Variants in ARFIP1 observed in about 807,000 individuals in gnomAD.
The protein encoded by ARFIP1 is ARF interacting protein 1, also known as arfaptin-1.
A neutral mutation model predicts 42.5 loss-of-function variants in ARFIP1; 24 were observed. The ratio of observed to expected loss-of-function variants is 0.57; its 90% CI spans 0.41 to 0.80. ARFIP1 has a LOEUF of 0.80. Ranked by LOEUF, ARFIP1 falls within the 30% of genes least tolerant of loss-of-function variation. The pLI, the probability that ARFIP1 is intolerant of heterozygous loss-of-function variation, is 0.00. For synonymous variants in ARFIP1, 141 were observed against 153.7 expected (o/e 0.92, Z 0.61); for missense variants, 354 against 434.0 (o/e 0.82, Z 1.64).
At chr4:152,856,064 C>A (rs772276527) in intron 2 of ARFIP1, among the ~76,000 whole-genome samples, 1 of 152,156 alleles carries the variant, frequency 6.6e-6, no homozygotes, top group Non-Finnish European at 1.5e-5. Flanking sequence ...CTTGAAGCCC[C>A]TCTCTTAAGT....
At chr4:152,787,695 A>G (rs1193821507) in intron 1 of ARFIP1, among the ~76,000 whole-genome samples, 2 of 152,240 alleles carry the variant, frequency 1.3e-5, no homozygotes, top group Admixed American at 1.3e-4. Flanking sequence ...AAAAATTATT[A>G]AAAGTATTAT....
intron 3 of ARFIP1, among the ~76,000 whole-genome samples, chr4:152,864,774 G>A (rs1038057552): frequency 6.6e-6 from 1 of 152,122 alleles, no homozygotes; most frequent in Non-Finnish European, 1.5e-5. Context: ...TCAAGTTGCC[G>A]CATGCCAGCC....
chr4:152,829,795 A>G, intron 2 of ARFIP1, 69 bp downstream of exon 2: 1 of 1,221,766 alleles, frequency 8.2e-7, no homozygotes, highest in Non-Finnish European at 1.1e-6. Context: ...GATGAAAGTA[A>G]TAGACAAAAT....
Position 152,795,162 on chromosome 4 carries a change from TTTTG to T in ARFIP1, c.-10+14964_-10+14967del, listed in dbSNP as rs142814353. 4.5e-3 allele frequency among the ~76,000 whole-genome samples: 676 copies of T among 151,866 alleles called. 5 individuals are homozygous for T. The highest frequency in any genetic ancestry group is 0.011 in the African/African-American group (468 of 41,346). ...AGTTTCTGGTTTATCCTTCCGGTGT[TTTTG>T]TTTGTTTGTTTGTTTGTTTGTTTGT... On this transcript the variant is annotated intron_variant, in intron 1 of 8. Transcript: ENST00000353617.
intron 7 of ARFIP1, among the ~76,000 whole-genome samples, 182 bp from the exon 8 acceptor site, chr4:152,887,951 T>G (rs1030713608): frequency 6.6e-6 from 1 of 152,136 alleles, no homozygotes; most frequent in African/African-American, 2.4e-5. Context: ...AGCTTTGTTC[T>G]TATTTAAATA....
intron 7 of ARFIP1, chr4:152,883,110 C>G (rs1426150428): frequency 2.2e-6 from 1 of 453,114 alleles, no homozygotes; most frequent in African/African-American, 2.1e-5. Flanking sequence ...AATTAGAACC[C>G]CTATGCTGGG....
intron 5 of ARFIP1, among the ~76,000 whole-genome samples, chr4:152,879,605 T>C (rs1735658112): frequency 1.3e-5 from 2 of 152,162 alleles, no homozygotes; most frequent in African/African-American, 4.8e-5. Context: ...ATCCCAGCAC[T>C]TTGGGAGGCC....
chr4:152,882,906 G>C (rs766125953), intron 7 of ARFIP1, 26 bp downstream of exon 7: 2 of 1,585,188 alleles, frequency 1.3e-6, no homozygotes, highest in Non-Finnish European at 1.7e-6. Context: ...TCACTGTGTT[G>C]TCTGTTTTAC....
intron 1 of ARFIP1, among the ~76,000 whole-genome samples, chr4:152,805,115 A>G (rs953673599): frequency 6.6e-6 from 1 of 152,210 alleles, no homozygotes; most frequent in Non-Finnish European, 1.5e-5. Context: ...GGTATCAAAC[A>G]AATTTTATAG....
At chr4:152,804,452 TTATATATAATATATAA>T (rs1310576222) in intron 1 of ARFIP1, among the ~76,000 whole-genome samples, 2 of 107,230 alleles carry the variant, frequency 1.9e-5, no homozygotes, top group Non-Finnish European at 3.6e-5. Flanking sequence ...ATTATATATA[TTATATATAATATATAA>T]TATATATAAT....
chr4:152,863,968 A>G (rs1201912309), intron 3 of ARFIP1, among the ~76,000 whole-genome samples: 3 of 152,232 alleles, frequency 2.0e-5, no homozygotes, highest in Non-Finnish European at 4.4e-5. Context: ...TGAAATAAAA[A>G]CAAAAATTAT....
chr4:152,797,086 A>G (rs1578816348), intron 1 of ARFIP1, among the ~76,000 whole-genome samples: 1 of 152,076 alleles, frequency 6.6e-6, no homozygotes. Context: ...ATTTTTTTCT[A>G]GTACTTTCTC....
chr4:152,888,940 G>A (rs1315781306), intron 8 of ARFIP1, among the ~76,000 whole-genome samples: 1 of 152,142 alleles, frequency 6.6e-6, no homozygotes, highest in Non-Finnish European at 1.5e-5. Flanking sequence ...TCTATTACTT[G>A]CATATTCAGC....
intron 1 of ARFIP1, among the ~76,000 whole-genome samples, chr4:152,801,013 A>T (rs969840468): frequency 6.6e-6 from 1 of 152,148 alleles, no homozygotes; most frequent in African/African-American, 2.4e-5. Flanking sequence ...TTCATAGGGT[A>T]TCTGAAGAAA....
At chr4:152,810,196 A>G (rs111780607) in intron 1 of ARFIP1, 2 of 152,200 alleles carry the variant, frequency 1.3e-5, no homozygotes, top group African/African-American at 4.8e-5. Flanking sequence ...AGCTGTACAG[A>G]GTGTGTGCCT....
At chr4:152,872,119 A>C (rs1212356201) in intron 4 of ARFIP1, among the ~76,000 whole-genome samples, 1 of 152,148 alleles carries the variant, frequency 6.6e-6, no homozygotes, top group Non-Finnish European at 1.5e-5. Context: ...ATTAGTGTAT[A>C]AAATTAGTTG....
chr4:152,883,150 A>C (rs1735980547), intron 7 of ARFIP1: 1 of 314,246 alleles, frequency 3.2e-6, no homozygotes. Context: ...TGCCACAGCT[A>C]CCATAAATAA....
At chr4:152,789,824 T>A (rs1370187545) in intron 1 of ARFIP1, among the ~76,000 whole-genome samples, 3 of 152,180 alleles carry the variant, frequency 2.0e-5, no homozygotes, top group Non-Finnish European at 4.4e-5. Context: ...AGACTTTTGT[T>A]CTTGTTTTGT....
intron 8 of ARFIP1, among the ~76,000 whole-genome samples, chr4:152,901,662 C>T (rs1737847586): frequency 6.6e-6 from 1 of 152,138 alleles, no homozygotes; most frequent in Non-Finnish European, 1.5e-5. Context: ...TCTTCTTTTG[C>T]TCCTGTTTTA....
Sources: allele counts gnomAD v4.1 joint callset (sites outside exome capture counted in the v4.1 genomes callset), GRCh38; gene constraint gnomAD v4.1.1; transcripts MANE v1.5; gene names NCBI Gene and HGNC (gene_info 2026-07-23, HGNC 2026-07-21).